The following TARS3 variants were observed in gnomAD, a reference collection of about 807,000 sequenced individuals.
TARS3 encodes threonine--tRNA ligase 2, cytoplasmic.
Under a neutral mutation model 103.5 loss-of-function variants are expected in TARS3, and 94 were observed. That is an observed-to-expected ratio of 0.91 (90% CI 0.77 to 1.08). The LOEUF is 1.08. TARS3 is among the 50% of genes least tolerant of loss of function. The probability of loss-of-function intolerance (pLI) is 0.00; values close to 1 mark genes in which losing one functional copy is unlikely to be tolerated. For synonymous variants in TARS3, 416 were observed against 355.4 expected (o/e 1.17, Z -1.92); for missense variants, 952 against 995.2 (o/e 0.96, Z 0.58).
At chr15:101,682,658 G>A (rs1027262434) in intron 12 of TARS3, among the ~76,000 whole-genome samples, 8 of 152,062 alleles carry the variant, frequency 5.3e-5, no homozygotes, top group African/African-American at 1.9e-4. Context: ...AGCTTCATGA[G>A]GTGGTGAAGA....
intron 12 of TARS3, among the ~76,000 whole-genome samples, chr15:101,678,716 G>A (rs987544814): frequency 2.0e-5 from 3 of 152,076 alleles, no homozygotes; most frequent in Admixed American, 6.5e-5. Flanking sequence ...TTTAGAAAAC[G>A]CAAAAGGAGA....
At chr15:101,683,473 T>C (rs1898337034) in intron 12 of TARS3, among the ~76,000 whole-genome samples, 1 of 152,236 alleles carries the variant, frequency 6.6e-6, no homozygotes, top group African/African-American at 2.4e-5. Context: ...TGGTCTATTT[T>C]AGTAAATATT....
chr15:101,694,515 A>C (rs1322505977), intron 10 of TARS3, among the ~76,000 whole-genome samples: 7 of 152,148 alleles, frequency 4.6e-5, no homozygotes, highest in Admixed American at 4.6e-4. Flanking sequence ...TCCCACAAGC[A>C]CACCCTCTAC....
chr15:101,696,626 C>T (rs1898995916), intron 10 of TARS3, among the ~76,000 whole-genome samples: 1 of 152,126 alleles, frequency 6.6e-6, no homozygotes, highest in South Asian at 2.1e-4. Flanking sequence ...AAAATAAAAT[C>T]CTAAGCTCCC....
intron 17 of TARS3, 67 bp from the exon 18 acceptor site, chr15:101,657,103 TC>T: frequency 1.9e-6 from 2 of 1,036,072 alleles, no homozygotes; most frequent in Non-Finnish European, 3.0e-6. Flanking sequence ...ACCCCGTTGT[TC>T]CCCACTCTTG....
At chr15:101,675,080 G>GA (rs199883822) in intron 13 of TARS3, among the ~76,000 whole-genome samples, 6,748 of 151,862 alleles carry the variant, frequency 0.044, 238 homozygotes, top group Non-Finnish European at 0.068. Context: ...TGTTTATTAA[G>GA]AAAAAAAAGC....
chr15:101,689,724 A>C (rs1898627650), intron 10 of TARS3, among the ~76,000 whole-genome samples: 1 of 152,210 alleles, frequency 6.6e-6, no homozygotes, highest in Non-Finnish European at 1.5e-5. Context: ...CCTCGTCAAC[A>C]CCTTGATTTC....
At chr15:101,712,151 C>T in intron 4 of TARS3, 150 bp from the exon 5 acceptor site, 1 of 822,084 alleles carries the variant, frequency 1.2e-6, no homozygotes, top group Non-Finnish European at 1.8e-6. Flanking sequence ...ATCTTCGATG[C>T]CCACTTAGAA....
chr15:101,700,239 G>A (rs1442787624), intron 10 of TARS3, among the ~76,000 whole-genome samples: 1 of 151,490 alleles, frequency 6.6e-6, no homozygotes, highest in Non-Finnish European at 1.5e-5. Context: ...GATCACCTGT[G>A]AACACTATCT....
At chr15:101,699,961 T>C (rs191977368) in intron 10 of TARS3, among the ~76,000 whole-genome samples, 3 of 151,984 alleles carry the variant, frequency 2.0e-5, no homozygotes, top group African/African-American at 7.2e-5. Flanking sequence ...AAGATGATGA[T>C]GAAAAGAAGT....
intron 3 of TARS3, among the ~76,000 whole-genome samples, chr15:101,717,775 C>CA (rs1314147176): frequency 1.9e-4 from 29 of 152,344 alleles, no homozygotes; most frequent in African/African-American, 7.0e-4. Context: ...CCTGGCCACC[C>CA]ACGTCTAGAC....
intron 10 of TARS3, chr15:101,699,428 T>G (rs1421713735): frequency 4.4e-6 from 2 of 455,846 alleles, no homozygotes; most frequent in South Asian, 3.1e-5. Context: ...GCCACATCTG[T>G]CTTGCATCTA....
chr15:101,655,273 TCA>T (rs1466540375), intron 18 of TARS3, among the ~76,000 whole-genome samples: 1 of 137,990 alleles, frequency 7.2e-6, no homozygotes, highest in African/African-American at 2.9e-5. Flanking sequence ...TCTTACAGGC[TCA>T]CAGTGACTCC....
chr15:101,701,191 T>A lies in TARS3; in HGVS notation c.1222-7A>T, dbSNP rs569417869. On this transcript the variant is annotated splice_region_variant and splice_polypyrimidine_tract_variant and intron_variant, in intron 9 of 18. Coordinates refer to ENST00000335968, the MANE Select transcript of TARS3 (RefSeq NM_152334.3). ...AAAAGAAAAGTTCTTGTTCCTAGAT[T>A]GAAACAAAAATTGCATTTCAAATGT... 3 of 1,571,034 alleles carry A rather than the reference T, an allele frequency of 1.9e-6. No homozygotes were observed. In the South Asian group the frequency reaches 3.6e-5, roughly 19 times the overall value.
chr15:101,714,953 C>G lies in TARS3; in HGVS notation c.577G>C (p.Ala193Pro), dbSNP rs1042443936. Residue 193 changes from alanine to proline, a missense_variant, in exon 4 of 19, where the codon GCT becomes CCT. Physicochemically the swap from Ala to Pro is conservative, Grantham distance 27 (BLOSUM62 -1). Transcript: ENST00000335968. ...ACTTTGGCTATTACCGTGCTTTCAG[C>G]CAGTTCCTGACTAAGAAGACAAAAG... ...QVAAEISQELAESTVIAKVNG... is the reference protein window; with the variant it reads ...QVAAEISQELPESTVIAKVNG... 1.4e-5 allele frequency: 22 copies of G among 1,609,132 alleles called. No individual in the cohort carries two copies. Among genetic ancestry groups the G allele is most frequent in the Admixed American group, 5.0e-5 (3 of 59,810 alleles).
intron 15 of TARS3, among the ~76,000 whole-genome samples, chr15:101,670,927 T>A (rs1045621539): frequency 1.3e-5 from 2 of 152,134 alleles, no homozygotes; most frequent in African/African-American, 4.8e-5. Context: ...CATGACATTC[T>A]GGAAAGGGCA....
intron 10 of TARS3, chr15:101,699,298 G>T: frequency 2.5e-6 from 1 of 394,894 alleles, no homozygotes; most frequent in Non-Finnish European, 5.0e-6. Context: ...CCCATTCCAA[G>T]CCTCAGGGAC....
chr15:101,665,917 T>C (rs1370865329), intron 15 of TARS3, among the ~76,000 whole-genome samples: 2 of 152,188 alleles, frequency 1.3e-5, no homozygotes, highest in African/African-American at 4.8e-5. Context: ...AGCGTTAACA[T>C]TTATGCACAA....
chr15:101,660,331 T>A (rs1897329610), intron 16 of TARS3, among the ~76,000 whole-genome samples: 1 of 152,228 alleles, frequency 6.6e-6, no homozygotes, highest in South Asian at 2.1e-4. Flanking sequence ...CTAGGATACA[T>A]CATCACAAGA....
Sources: gnomAD v4.1 joint callset for allele counts (sites outside exome capture counted in the v4.1 genomes callset) on GRCh38, gnomAD v4.1.1 for gene constraint, MANE v1.5 for transcripts, NCBI Gene and HGNC (gene_info 2026-07-23, HGNC 2026-07-21) for gene names.